Variants in CACNA1E observed in about 807,000 individuals in gnomAD.
CACNA1E encodes voltage-dependent R-type calcium channel subunit alpha-1E.
In CACNA1E, 40 loss-of-function variants were observed where a neutral mutation model predicts 259.2. The observed-to-expected ratio is 0.15, with a 90% CI of 0.12 to 0.20. The LOEUF (loss-of-function observed/expected upper bound fraction) is 0.20, where lower values mean the gene tolerates loss of function less well. Among genes scored for constraint, CACNA1E ranks in the 10% least tolerant of loss-of-function variants. The pLI is 1.00. For synonymous variants in CACNA1E, 1,104 were observed against 1,138.5 expected (o/e 0.97, Z 0.61); for missense variants, 1,874 against 3,040.1 (o/e 0.62, Z 9.02).
chr1:181,509,450 C>T (rs1665988513), intron 1 of CACNA1E, among the ~76,000 whole-genome samples: 1 of 152,164 alleles, frequency 6.6e-6, no homozygotes, highest in Non-Finnish European at 1.5e-5. Flanking sequence ...ATCTACGGCT[C>T]CTCTCTTCTG....
intron 7 of CACNA1E, among the ~76,000 whole-genome samples, chr1:181,699,386 G>T (rs1369694710): frequency 6.6e-6 from 1 of 152,202 alleles, no homozygotes; most frequent in African/African-American, 2.4e-5. Context: ...GTGGTAGAGT[G>T]CAGCAGGTAA....
chr1:181,653,932 A>G (rs1658974831), intron 7 of CACNA1E, among the ~76,000 whole-genome samples: 1 of 152,240 alleles, frequency 6.6e-6, no homozygotes, highest in Non-Finnish European at 1.5e-5. Flanking sequence ...GTTGCCAATG[A>G]GGCTTTTGTG....
At chr1:181,562,614 A>T (rs1238624679) in intron 3 of CACNA1E, among the ~76,000 whole-genome samples, 3 of 152,196 alleles carry the variant, frequency 2.0e-5, no homozygotes, top group Non-Finnish European at 1.5e-5. Flanking sequence ...GTCACGAGTT[A>T]ATTTGCGTAG....
chr1:181,787,210 C>T (rs1332952090), intron 43 of CACNA1E, among the ~76,000 whole-genome samples: 3 of 152,126 alleles, frequency 2.0e-5, no homozygotes, highest in Non-Finnish European at 4.4e-5. Context: ...AACTCCGCCT[C>T]CCGGGTTCAT....
At chr1:181,459,858 G>A (rs550343829) in intron 2 of CACNA1E, among the ~76,000 whole-genome samples, 2 of 152,322 alleles carry the variant, frequency 1.3e-5, no homozygotes, top group South Asian at 2.1e-4. Flanking sequence ...CTCCCTGAGT[G>A]ATGAACATTT....
In CACNA1E at chr1:181,343,030, G is replaced by A. The variant is rs546558028; in HGVS notation, c.-15+24907G>A. ...AGGACAGGGGGTGGTATATTGGGAG[G>A]TATTTTGGTGGTGACAGCCACAGGA... On this transcript the variant is annotated intron_variant, in intron 1 of 11. Transcript: ENST00000524607. Among the ~76,000 whole-genome samples, 3 of 152,106 alleles carry A rather than the reference G, an allele frequency of 2.0e-5. No individual in the cohort carries two copies. In the South Asian group the frequency reaches 6.2e-4, roughly 32 times the overall value.
chr1:181,369,116 G>A (rs989275134), intron 1 of CACNA1E, among the ~76,000 whole-genome samples: 1 of 152,214 alleles, frequency 6.6e-6, no homozygotes, highest in Admixed American at 6.5e-5. Context: ...GTTCAGGTCA[G>A]GACATTCGTC....
rs1265328484 is a variant in CACNA1E at position 181,732,698 on chromosome 1, G to T, written c.2612G>T (p.Arg871Met). 2.0e-6 allele frequency: 3 copies of T among 1,533,366 alleles called. No individual in the cohort carries two copies. The highest frequency in any genetic ancestry group is 2.6e-6 in the Non-Finnish European group (3 of 1,141,864). The allele number at this position is 1,533,366 out of a possible 1,614,324, so 95.0% of individuals were successfully genotyped here. Residue 871 changes from arginine to methionine, a missense_variant, in exon 20 of 48, where the codon AGG (arginine) becomes ATG (methionine). Arg to Met is a moderately conservative substitution (Grantham distance 91, BLOSUM62 -1). Around this residue, in one of 14 missense-constraint regions of CACNA1E, gnomAD observed 476 missense variants for 514.0 expected, o/e 0.93. Coordinates refer to ENST00000367573, the MANE Select transcript of CACNA1E (RefSeq NM_001205293.3). This position sits in a 1 kb window ranked among gnomAD's most constrained non-coding sequence, Gnocchi z 5.5. ...CGATCCAGTGCCCTGGACAACCAGAGGACCCCTTTGTCCCTGGGCCAGCGG... is the reference window on the plus strand; with the variant it reads ...CGATCCAGTGCCCTGGACAACCAGATGACCCCTTTGTCCCTGGGCCAGCGG... Reference protein sequence around the residue: ...GDRSSALDNQRTPLSLGQREP... With the variant: ...GDRSSALDNQMTPLSLGQREP...
intron 7 of CACNA1E, among the ~76,000 whole-genome samples, chr1:181,696,294 A>G (rs867304970): frequency 6.6e-6 from 1 of 152,090 alleles, no homozygotes; most frequent in Non-Finnish European, 1.5e-5. Context: ...ATGCTTGTCA[A>G]TCTAGCACTT....
intron 27 of CACNA1E, among the ~76,000 whole-genome samples, chr1:181,754,310 GGTGCCTGT>G (rs370386424): frequency 0.37 from 56,522 of 152,156 alleles, 11,565 homozygotes; most frequent in Non-Finnish European, 0.46. Flanking sequence ...ATTCCACAAG[GGTGCCTGT>G]CACTTACATT....
chr1:181,692,166 T>C (rs1651230390), intron 7 of CACNA1E, among the ~76,000 whole-genome samples: 1 of 152,088 alleles, frequency 6.6e-6, no homozygotes, highest in South Asian at 2.1e-4. Flanking sequence ...AAATCATAGA[T>C]GACACAAAAA....
rs1244953996 is a variant in CACNA1E at position 181,802,191 on chromosome 1, T to G, written c.*3357T>G. 6.6e-6 allele frequency: 1 copy of G among 152,270 alleles called. No individual in the cohort carries two copies. Among genetic ancestry groups the G allele is most frequent in the African/African-American group, 2.4e-5 (1 of 41,464 alleles). The allele number at this position is 152,270 out of a possible 1,614,324, so 9.4% of individuals were successfully genotyped here. A position where few individuals can be genotyped will look rare whatever the true frequency, so the allele number is the denominator to read the frequency against. ...CATCCCCTTGGCTCCACATGAGTCA[T>G]GAACACAATTGTCAGTGGGGGTCTC... On this transcript the variant is annotated 3_prime_UTR_variant, in exon 48 of 48. Coordinates refer to ENST00000367573, the MANE Select transcript of CACNA1E (RefSeq NM_001205293.3).
chr1:181,716,086 T>C lies in CACNA1E; in HGVS notation c.1272T>C (p.Thr424=). 6.4e-7 allele frequency: 1 copy of C among 1,573,872 alleles called. No individual in the cohort carries two copies. The highest frequency in any genetic ancestry group is 1.2e-5 in the South Asian group (1 of 85,300). Residue 424 remains threonine (T), a synonymous_variant, in exon 10 of 48, where the codon ACT becomes ACC. Coordinates refer to ENST00000367573, the MANE Select transcript of CACNA1E (RefSeq NM_001205293.3). ...TIKRSRTEAM[T]RDSSDEHCVD... ...AGAGGAGCCGGACAGAGGCCATGAC[T>C]CGAGACTCCAGTGATGAGCACTGTG...
At chr1:181,414,084 GCT>G (rs1364990497) in intron 2 of CACNA1E, among the ~76,000 whole-genome samples, 1 of 152,194 alleles carries the variant, frequency 6.6e-6, no homozygotes, top group African/African-American at 2.4e-5. Context: ...CTTTATTTCT[GCT>G]CTGTTTGTGT....
chr1:181,450,754 T>A (rs1571903198), intron 2 of CACNA1E, among the ~76,000 whole-genome samples: 1 of 152,090 alleles, frequency 6.6e-6, no homozygotes, highest in South Asian at 2.1e-4. Flanking sequence ...ATGATCAAAT[T>A]TGGCTTTAAA....
chr1:181,494,696 T>C (rs1037260712), intron 1 of CACNA1E, among the ~76,000 whole-genome samples: 2 of 152,224 alleles, frequency 1.3e-5, no homozygotes, highest in Non-Finnish European at 2.9e-5. Flanking sequence ...CTTGAACAAG[T>C]GGTCCGAATC....
At chr1:181,439,571 C>G (rs1036819470) in intron 2 of CACNA1E, among the ~76,000 whole-genome samples, 8 of 152,190 alleles carry the variant, frequency 5.3e-5, no homozygotes. Flanking sequence ...TCACCCAGCA[C>G]AGTGACCAGC....
intron 3 of CACNA1E, among the ~76,000 whole-genome samples, chr1:181,531,151 T>C (rs954934758): frequency 2.0e-5 from 3 of 152,270 alleles, no homozygotes; most frequent in African/African-American, 7.2e-5. Flanking sequence ...AAAAGCCTTT[T>C]CCTTCCTTTG....
chr1:181,338,212 A>G (rs374552631), intron 1 of CACNA1E, among the ~76,000 whole-genome samples: 1 of 152,190 alleles, frequency 6.6e-6, no homozygotes, highest in African/African-American at 2.4e-5. Context: ...CAGGCTAACA[A>G]GTAGCTGGGA....
Sources: gnomAD v4.1 joint callset for allele counts (sites outside exome capture counted in the v4.1 genomes callset) on GRCh38, gnomAD v4.1.1 for gene constraint, gnomAD v4.1.1 regional missense constraint, Gnocchi (gnomAD v3.1) non-coding constraint, MANE v1.5 for transcripts, NCBI Gene and HGNC (gene_info 2026-07-23, HGNC 2026-07-21) for gene names.